The following OR2D3 variants were observed in gnomAD, a reference collection of about 807,000 sequenced individuals.
OR2D3 encodes olfactory receptor family 2 subfamily D member 3.
For missense variants in OR2D3, 409 were observed against 388.8 expected (o/e 1.05, Z -0.44); for synonymous variants, 154 against 145.8 (o/e 1.06, Z -0.40).
chr11:6,921,884 A>G lies in OR2D3; in HGVS notation c.883A>G (p.Thr295Ala), dbSNP rs754214482. The G allele has an allele frequency of 6.2e-7, 1 of 1,613,764 alleles. No homozygotes were observed. Among genetic ancestry groups the G allele is most frequent in the Non-Finnish European group, 8.5e-7 (1 of 1,179,944 alleles). Residue 295 changes from threonine (T) to alanine (A), a missense_variant, in exon 1 of 1, where the codon ACA becomes GCA. Physicochemically the swap from Thr to Ala is moderately conservative, Grantham distance 58 (BLOSUM62 0). Coordinates refer to ENST00000317834, the MANE Select transcript of OR2D3 (RefSeq NM_001004684.1). Reference protein sequence around the residue: ...ELDKMISVFYTAVTPMLNPII... With the variant: ...ELDKMISVFYAAVTPMLNPII... ...GGATAAAATGATATCTGTGTTCTATACAGCGGTGACTCCAATGTTGAACCC... is the reference window on the plus strand; with the variant it reads ...GGATAAAATGATATCTGTGTTCTATGCAGCGGTGACTCCAATGTTGAACCC...
chr11:6,921,337 G>A lies in OR2D3; in HGVS notation c.336G>A (p.Gly112=), dbSNP rs751585049. Reference sequence around the variant, plus strand: ...AGAGGAAAACCATTTCTTTTTATGGGTGTATGACACAGATAATTGTCTTTC... The same window carrying A: ...AGAGGAAAACCATTTCTTTTTATGGATGTATGACACAGATAATTGTCTTTC... The part of the protein sequence containing the change: ...LVKRKTISFY[G]CMTQIIVFLL... The change falls in exon 1 of 1, where the codon GGG becomes GGA. Residue 112 remains glycine (G), a synonymous_variant. Transcript: ENST00000317834. 1 of 1,613,710 alleles carries A rather than the reference G, an allele frequency of 6.2e-7. No homozygotes were observed. Among genetic ancestry groups the A allele is most frequent in the Admixed American group, 1.7e-5 (1 of 59,980 alleles).
rs763303849 is a variant in OR2D3, at chr11:6,921,126, T to A, written c.125T>A (p.Leu42Gln). The A allele has an allele frequency of 3.1e-6, 5 of 1,614,196 alleles. No individual in the cohort carries two copies. The highest frequency in any genetic ancestry group is 4.2e-6 in the Non-Finnish European group (5 of 1,180,036). Residue 42 changes from leucine (L) to glutamine (Q), a missense_variant, in exon 1 of 1, where the codon CTG becomes CAG. By Grantham distance (113) the Leu-to-Gln change is moderately radical. Transcript: ENST00000317834. ...GLSQDLQTQI[L>Q]LFILFLIIYL... ...TCACAGGACTTGCAGACCCAGATCC[T>A]GCTATTTATCCTTTTCCTCATCATT...
At position 6,921,639 on chromosome 11, in the gene OR2D3, T is replaced by C; in HGVS notation, c.638T>C (p.Met213Thr). Residue 213 changes from methionine to threonine, a missense_variant, in exon 1 of 1, where the codon ATG (methionine) becomes ACG (threonine). By Grantham distance (81) the Met-to-Thr change is moderately conservative (BLOSUM62 -1). Coordinates refer to ENST00000317834, the MANE Select transcript of OR2D3 (RefSeq NM_001004684.1). The part of the protein sequence containing the change: ...LASIDTYSTE[M>T]AIFSMGVVIL... ...TCCATAGACACTTACAGCACAGAAA[T>C]GGCCATCTTTTCAATGGGCGTGGTA... The C allele has an allele frequency of 6.3e-7, 1 of 1,591,036 alleles. No homozygotes were observed. Among genetic ancestry groups the C allele is most frequent in the Non-Finnish European group, 8.5e-7 (1 of 1,169,988 alleles).
In OR2D3 at chr11:6,921,468, T is replaced by G. The variant is rs1848948883; in HGVS notation, c.467T>G (p.Val156Gly). The change falls in exon 1 of 1, where the codon GTG becomes GGG. Residue 156 changes from valine (V) to glycine (G), a missense_variant. Transcript: ENST00000317834. ...LYYSTIMTQR[V>G]CLWLSFRSWA... ...TACTCTACCATCATGACACAACGGG[T>G]GTGTCTCTGGCTGTCCTTCAGGTCC... 1 of 1,613,036 alleles carries G rather than the reference T, an allele frequency of 6.2e-7. No individual in the cohort carries two copies. Among genetic ancestry groups the G allele is most frequent in the African/African-American group, 1.3e-5 (1 of 74,916 alleles).
rs1774233486 is a variant in OR2D3, at chr11:6,921,087, T to G, written c.86T>G (p.Ile29Ser). Residue 29 changes from isoleucine to serine, a missense_variant, in exon 1 of 1, where the codon ATC (isoleucine) becomes AGC (serine). By Grantham distance (142) the Ile-to-Ser change is moderately radical (BLOSUM62 -2). Transcript: ENST00000317834. Reference sequence around the variant, plus strand: ...AACCAAACCTTTGTGTCCAAGTTTATCTTCCTGGGTCTTTCACAGGACTTG... The same window carrying G: ...AACCAAACCTTTGTGTCCAAGTTTAGCTTCCTGGGTCTTTCACAGGACTTG... ...EENQTFVSKFIFLGLSQDLQT... is the reference protein window; with the variant it reads ...EENQTFVSKFSFLGLSQDLQT... The G allele has an allele frequency of 6.2e-7, 1 of 1,613,194 alleles. No homozygotes were observed. Among genetic ancestry groups the G allele is most frequent in the Non-Finnish European group, 8.5e-7 (1 of 1,179,798 alleles).
Position 6,921,503 on chromosome 11 carries a change from G to A in OR2D3, c.502G>A (p.Gly168Arg), listed in dbSNP as rs1221233321. Reference sequence around the variant, plus strand: ...GCTGTCCTTCAGGTCCTGGGCCAGTGGGGCACTAGTGTCTTTAGTAGATAC... The same window carrying A: ...GCTGTCCTTCAGGTCCTGGGCCAGTAGGGCACTAGTGTCTTTAGTAGATAC... ...LWLSFRSWAS[G>R]ALVSLVDTSF... is the part of the protein sequence containing the mutation. The change falls in exon 1 of 1, where the codon GGG (glycine) becomes AGG (arginine). Residue 168 changes from glycine to arginine, a missense_variant. Gly to Arg is a moderately radical substitution (Grantham distance 125, BLOSUM62 -2). Transcript: ENST00000317834. 1.2e-6 allele frequency: 2 copies of A among 1,613,876 alleles called. No homozygotes were observed. Among genetic ancestry groups the A allele is most frequent in the African/African-American group, 2.7e-5 (2 of 74,888 alleles).
rs952582676 is a variant in OR2D3 at position 6,921,191 on chromosome 11, C to T, written c.190C>T (p.Leu64Phe). The change falls in exon 1 of 1, where the codon CTC becomes TTC. Residue 64 changes from leucine (L) to phenylalanine (F), a missense_variant. Leu to Phe is a conservative substitution (Grantham distance 22). Transcript: ENST00000317834. ...GCTTGGAAACCAGCTCATCATCATT[C>T]TCATCTTCCTGGATTCTCGCCTTCA... is the stretch of plus-strand genomic sequence containing the variant. ...TVLGNQLIII[L>F]IFLDSRLHTP... The T allele has an allele frequency of 3.1e-6, 5 of 1,614,114 alleles. No individual in the cohort carries two copies. The highest frequency in any genetic ancestry group is 4.2e-6 in the Non-Finnish European group (5 of 1,179,980).
rs760801053 is a variant in OR2D3, at chr11:6,921,466, GGT to G, written c.470_471del (p.Cys157SerfsTer39). ...LYYSTIMTQR[V>X]CLWLSFRSWA... ...ACTACTCTACCATCATGACACAACG[GGT>G]GTGTCTCTGGCTGTCCTTCAGGTCC... On this transcript the variant is annotated frameshift_variant, in exon 1 of 1. Coordinates refer to ENST00000317834, the MANE Select transcript of OR2D3 (RefSeq NM_001004684.1). LOFTEE classifies it high-confidence loss of function. The G allele has an allele frequency of 8.1e-5, 130 of 1,613,326 alleles. 2 individuals carry two copies. In the East Asian group the frequency reaches 2.9e-3, roughly 36 times the overall value.
Position 6,921,117 on chromosome 11 carries a change from C to A in OR2D3, c.116C>A (p.Thr39Asn). The change falls in exon 1 of 1, where the codon ACC becomes AAC. Residue 39 changes from threonine (T) to asparagine (N), a missense_variant. By Grantham distance (65) the Thr-to-Asn change is moderately conservative. Transcript: ENST00000317834. ...CTGGGTCTTTCACAGGACTTGCAGA[C>A]CCAGATCCTGCTATTTATCCTTTTC... ...IFLGLSQDLQ[T>N]QILLFILFLI... 6.2e-7 allele frequency: 1 copy of A among 1,614,130 alleles called. No homozygotes were observed. Among genetic ancestry groups the A allele is most frequent in the Non-Finnish European group, 8.5e-7 (1 of 1,180,010 alleles).
chr11:6,921,357 T>A lies in OR2D3; in HGVS notation c.356T>A (p.Val119Asp). 1 of 1,614,110 alleles carries A rather than the reference T, an allele frequency of 6.2e-7. No individual in the cohort carries two copies. The highest frequency in any genetic ancestry group is 2.2e-5 in the East Asian group (1 of 44,872). ...SFYGCMTQII[V>D]FLLVGCTECA... ...TATGGGTGTATGACACAGATAATTG[T>A]CTTTCTTCTGGTTGGGTGTACAGAG... Residue 119 changes from valine to aspartate, a missense_variant, in exon 1 of 1, where the codon GTC (valine) becomes GAC (aspartate). By Grantham distance (152) the Val-to-Asp change is radical. Transcript: ENST00000317834.
chr11:6,921,117 C>T lies in OR2D3; in HGVS notation c.116C>T (p.Thr39Ile). 6 of 1,614,130 alleles carry T rather than the reference C, an allele frequency of 3.7e-6. No individual in the cohort carries two copies. Among genetic ancestry groups the T allele is most frequent in the Non-Finnish European group, 5.1e-6 (6 of 1,180,010 alleles). ...IFLGLSQDLQ[T>I]QILLFILFLI... ...CTGGGTCTTTCACAGGACTTGCAGA[C>T]CCAGATCCTGCTATTTATCCTTTTC... is the stretch of plus-strand genomic sequence containing the variant. Residue 39 changes from threonine (T) to isoleucine (I), a missense_variant, in exon 1 of 1, where the codon ACC becomes ATC. Transcript: ENST00000317834.
Position 6,921,638 on chromosome 11 carries a change from A to G in OR2D3, c.637A>G (p.Met213Val). Residue 213 changes from methionine to valine, a missense_variant, in exon 1 of 1, where the codon ATG becomes GTG. Physicochemically the swap from Met to Val is conservative, Grantham distance 21. Coordinates refer to ENST00000317834, the MANE Select transcript of OR2D3 (RefSeq NM_001004684.1). Reference protein sequence around the residue: ...LASIDTYSTEMAIFSMGVVIL... With the variant: ...LASIDTYSTEVAIFSMGVVIL... ...TTCCATAGACACTTACAGCACAGAA[A>G]TGGCCATCTTTTCAATGGGCGTGGT... The G allele has an allele frequency of 6.3e-7, 1 of 1,592,486 alleles. No individual in the cohort carries two copies. Among genetic ancestry groups the G allele is most frequent in the Non-Finnish European group, 8.5e-7 (1 of 1,170,658 alleles).
rs1237999049 is a variant in OR2D3 at position 6,921,263 on chromosome 11, T to C, written c.262T>C (p.Cys88Arg). Residue 88 changes from cysteine (C) to arginine (R), a missense_variant, in exon 1 of 1, where the codon TGT becomes CGT. Transcript: ENST00000317834. Reference sequence around the variant, plus strand: ...TAGAAATCTCTCCTTTGCAGATCTCTGTTTCTCTACTAGCATTGTCCCTCA... The same window carrying C: ...TAGAAATCTCTCCTTTGCAGATCTCCGTTTCTCTACTAGCATTGTCCCTCA... ...FLRNLSFADL[C>R]FSTSIVPQVL... 43 of 1,614,228 alleles carry C rather than the reference T, an allele frequency of 2.7e-5. No homozygotes were observed. Among genetic ancestry groups the C allele is most frequent in the East Asian group, 4.5e-5 (2 of 44,896 alleles).
Position 6,921,305 on chromosome 11 carries a change from T to C in OR2D3, c.304T>C (p.Leu102=). 1 of 1,614,182 alleles carries C rather than the reference T, an allele frequency of 6.2e-7. No individual in the cohort carries two copies. Among genetic ancestry groups the C allele is most frequent in the East Asian group, 2.2e-5 (1 of 44,886 alleles). ...SIVPQVLVHF[L]VKRKTISFYG... is the part of the protein sequence containing the mutation. ...TGTCCCTCAAGTGTTGGTTCACTTC[T>C]TGGTAAAGAGGAAAACCATTTCTTT... Residue 102 remains leucine, a synonymous_variant, in exon 1 of 1, where the codon TTG becomes CTG. Coordinates refer to ENST00000317834, the MANE Select transcript of OR2D3 (RefSeq NM_001004684.1).
rs772617697 is a variant in OR2D3, at chr11:6,921,322, C to G, written c.321C>G (p.Thr107=). Reference sequence around the variant, plus strand: ...TTCACTTCTTGGTAAAGAGGAAAACCATTTCTTTTTATGGGTGTATGACAC... The same window carrying G: ...TTCACTTCTTGGTAAAGAGGAAAACGATTTCTTTTTATGGGTGTATGACAC... ...VLVHFLVKRK[T]ISFYGCMTQI... Residue 107 remains threonine (T), a synonymous_variant, in exon 1 of 1, where the codon ACC becomes ACG. Transcript: ENST00000317834. 2 of 1,614,016 alleles carry G rather than the reference C, an allele frequency of 1.2e-6. No individual in the cohort carries two copies. The highest frequency in any genetic ancestry group is 1.7e-6 in the Non-Finnish European group (2 of 1,180,006).
At position 6,921,917 on chromosome 11, in the gene OR2D3, T is replaced by C. The variant is rs749102567; in HGVS notation, c.916T>C (p.Tyr306His). The C allele has an allele frequency of 3.1e-6, 5 of 1,614,184 alleles. No homozygotes were observed. The highest frequency in any genetic ancestry group is 4.2e-6 in the Non-Finnish European group (5 of 1,180,034). The change falls in exon 1 of 1, where the codon TAT (tyrosine) becomes CAT (histidine). Residue 306 changes from tyrosine (Y) to histidine (H), a missense_variant. Coordinates refer to ENST00000317834, the MANE Select transcript of OR2D3 (RefSeq NM_001004684.1). ...GACTCCAATGTTGAACCCCATAATT[T>C]ATAGCTTGAGGAACAAAGATGTCAA... ...AVTPMLNPII[Y>H]SLRNKDVKGA...
At position 6,921,818 on chromosome 11, in the gene OR2D3, T is replaced by C; in HGVS notation, c.817T>C (p.Phe273Leu). ...TGTCCTCTTCTATGGGTCAGGAATA[T>C]TCACCTACATGCGACCAAACTCCAA... ...VVVLFYGSGI[F>L]TYMRPNSKTT... Residue 273 changes from phenylalanine (F) to leucine (L), a missense_variant, in exon 1 of 1, where the codon TTC becomes CTC. Phe to Leu is a conservative substitution (Grantham distance 22). Coordinates refer to ENST00000317834, the MANE Select transcript of OR2D3 (RefSeq NM_001004684.1). 1 of 1,587,528 alleles carries C rather than the reference T, an allele frequency of 6.3e-7. No individual in the cohort carries two copies. Among genetic ancestry groups the C allele is most frequent in the Non-Finnish European group, 8.6e-7 (1 of 1,169,580 alleles).
At position 6,921,772 on chromosome 11, in the gene OR2D3, T is replaced by C; in HGVS notation, c.771T>C (p.Cys257=). 6.5e-7 allele frequency: 1 copy of C among 1,539,724 alleles called. No homozygotes were observed. The highest frequency in any genetic ancestry group is 1.3e-5 in the South Asian group (1 of 76,750). Reference sequence around the variant, plus strand: ...GGAGACTCAAGGCTTTTTCCACCTGTGGCTCCCATCTTATTGTTGTTGTCC... The same window carrying C: ...GGAGACTCAAGGCTTTTTCCACCTGCGGCTCCCATCTTATTGTTGTTGTCC... The part of the protein sequence containing the change: ...GEGRLKAFST[C]GSHLIVVVLF... Residue 257 remains cysteine (C), a synonymous_variant, in exon 1 of 1, where the codon TGT becomes TGC. Transcript: ENST00000317834.
At position 6,921,365 on chromosome 11, in the gene OR2D3, C is replaced by T. The variant is rs893633436; in HGVS notation, c.364C>T (p.Leu122=). 2 of 1,614,132 alleles carry T rather than the reference C, an allele frequency of 1.2e-6. No homozygotes were observed. Among genetic ancestry groups the T allele is most frequent in the African/African-American group, 1.3e-5 (1 of 75,026 alleles). Residue 122 remains leucine, a synonymous_variant, in exon 1 of 1, where the codon CTG becomes TTG. Coordinates refer to ENST00000317834, the MANE Select transcript of OR2D3 (RefSeq NM_001004684.1). ...GCMTQIIVFL[L]VGCTECALLA... is the part of the protein sequence containing the mutation. ...TATGACACAGATAATTGTCTTTCTT[C>T]TGGTTGGGTGTACAGAGTGTGCGCT...
Sources: gnomAD v4.1 joint callset for allele counts on GRCh38, gnomAD v4.1.1 for gene constraint, MANE v1.5 for transcripts, NCBI Gene and HGNC (gene_info 2026-07-23, HGNC 2026-07-21) for gene names.